MBLAC2: variants seen among roughly 807,000 people sequenced by gnomAD.
The protein encoded by MBLAC2 is acyl-coenzyme A thioesterase MBLAC2.
In MBLAC2, 24 loss-of-function variants were observed where a neutral mutation model predicts 23.3. The observed-to-expected ratio is 1.03, with a 90% confidence interval of 0.75 to 1.45. The LOEUF is 1.45. Among genes scored for constraint, MBLAC2 ranks in the 40% most tolerant of loss-of-function variants. The pLI is 0.00. For synonymous variants in MBLAC2, 162 were observed against 150.9 expected (o/e 1.07, Z -0.54); for missense variants, 358 against 370.0 (o/e 0.97, Z 0.27).
Position 90,473,871 on chromosome 5 carries a change from T to C in MBLAC2, c.422A>G (p.Gln141Arg), listed in dbSNP as rs750964461. 3.8e-5 allele frequency: 60 copies of C among 1,599,464 alleles called. No individual in the cohort carries two copies. The South Asian group carries it at 6.8e-4, about 18-fold the overall frequency. The stretch of plus-strand genomic sequence containing the variant: ...CAGGATGAGGGTGGGCTGCACCGCC[T>C]GTACCCGGAACTGTCTGGCCCTCCA... Reference protein sequence around the residue: ...PGWRARQFRVQAVQPTLILQD... With the variant: ...PGWRARQFRVRAVQPTLILQD... Residue 141 changes from glutamine to arginine, a missense_variant, in exon 1 of 2, where the codon CAG (glutamine) becomes CGG (arginine). Gln to Arg is a conservative substitution (Grantham distance 43). Transcript: ENST00000316610.
intron 1 of MBLAC2, among the ~76,000 whole-genome samples, chr5:90,468,449 A>G (rs909979943): frequency 6.6e-6 from 1 of 151,626 alleles, no homozygotes; most frequent in Non-Finnish European, 1.5e-5. Context: ...CATGTCTTTG[A>G]GCTCTGAGGT....
In MBLAC2 at chr5:90,474,405, G is replaced by T; in HGVS notation, c.-113C>A. 3 of 972,132 alleles carry T rather than the reference G, an allele frequency of 3.1e-6. No homozygotes were observed. The highest frequency in any genetic ancestry group is 4.7e-6 in the Non-Finnish European group (3 of 638,438). 60.2% of individuals were successfully genotyped at this position (972,132 alleles called of 1,614,324 possible). ...AAGCGGTCTGCCTGCAGCCAGGGAG[G>T]AGGCGTAGAGCGAGGCGGGGGCGTG... On this transcript the variant is annotated 5_prime_UTR_variant, in exon 1 of 2. Transcript: ENST00000316610.
chr5:90,467,451 C>T (rs1750467286), intron 1 of MBLAC2, among the ~76,000 whole-genome samples: 1 of 152,044 alleles, frequency 6.6e-6, no homozygotes, highest in Non-Finnish European at 1.5e-5. Context: ...TTTTTGTCTT[C>T]TTTAACTGCT....
intron 1 of MBLAC2, among the ~76,000 whole-genome samples, chr5:90,469,966 G>T (rs956029330): frequency 1.3e-5 from 2 of 152,192 alleles, no homozygotes; most frequent in East Asian, 3.8e-4. Context: ...CAATAGCCAA[G>T]ATGTGGAATT....
Position 90,474,397 on chromosome 5 carries a change from C to T in MBLAC2, c.-105G>A. On this transcript the variant is annotated 5_prime_UTR_variant, in exon 1 of 2. Transcript: ENST00000316610. ...GCTGTGTGAAGCGGTCTGCCTGCAG[C>T]CAGGGAGGAGGCGTAGAGCGAGGCG... The T allele has an allele frequency of 9.4e-7, 1 of 1,069,374 alleles. No individual in the cohort carries two copies. The highest frequency in any genetic ancestry group is 1.4e-6 in the Non-Finnish European group (1 of 719,260). 66.2% of individuals were successfully genotyped at this position (1,069,374 alleles called of 1,614,324 possible). A position where few individuals can be genotyped will look rare whatever the true frequency, so the allele number is the denominator to read the frequency against.
Position 90,460,841 on chromosome 5 carries a change from A to G in MBLAC2, c.*326T>C, listed in dbSNP as rs1297235044. The G allele has an allele frequency of 5.1e-6, 1 of 195,832 alleles. No individual in the cohort carries two copies. Among genetic ancestry groups the G allele is most frequent in the African/African-American group, 2.3e-5 (1 of 42,746 alleles). 12.1% of individuals were successfully genotyped at this position (195,832 alleles called of 1,614,324 possible). On this transcript the variant is annotated 3_prime_UTR_variant, in exon 2 of 2. Transcript: ENST00000316610. ...TTTTTTTCCCTAGGTCATCAAGGGA[A>G]TAAAACAAGAAAAACAGAGGCAAGG...
chr5:90,469,707 A>T (rs1443323063), intron 1 of MBLAC2, among the ~76,000 whole-genome samples: 1 of 152,178 alleles, frequency 6.6e-6, no homozygotes, highest in Non-Finnish European at 1.5e-5. Context: ...AAAAATGGCT[A>T]TTGTCAAAAA....
intron 1 of MBLAC2, among the ~76,000 whole-genome samples, chr5:90,464,886 A>G (rs1436910723): frequency 2.0e-5 from 3 of 152,194 alleles, no homozygotes; most frequent in Non-Finnish European, 4.4e-5. Context: ...AAGGTCCTGA[A>G]CTTGATAAAA....
intron 1 of MBLAC2, among the ~76,000 whole-genome samples, chr5:90,463,360 G>A (rs1750397880): frequency 6.6e-6 from 1 of 152,126 alleles, no homozygotes; most frequent in Non-Finnish European, 1.5e-5. Context: ...CAAAGTGCTG[G>A]GATTGCAGGC....
chr5:90,473,128 A>G (rs1264808078), intron 1 of MBLAC2: 1 of 152,814 alleles, frequency 6.5e-6, no homozygotes, highest in Non-Finnish European at 1.5e-5. Flanking sequence ...AGTCCACATA[A>G]TTTACCTCTA....
chr5:90,461,275 A>G lies in MBLAC2; in HGVS notation c.732T>C (p.Ala244=). ...TFGAERLFRL[A]SNYISKAGIC... is the part of the protein sequence containing the mutation. ...TCCCAGCTTTTGAAATATAGTTAGA[A>G]GCCAATCGAAAAAGCCTTTCAGCAC... Residue 244 remains alanine (A), a synonymous_variant, in exon 2 of 2, where the codon GCT becomes GCC. Transcript: ENST00000316610. 2 of 1,614,190 alleles carry G rather than the reference A, an allele frequency of 1.2e-6. No homozygotes were observed.
At chr5:90,463,432 A>G (rs1750399105) in intron 1 of MBLAC2, among the ~76,000 whole-genome samples, 1 of 152,254 alleles carries the variant, frequency 6.6e-6, no homozygotes, top group Admixed American at 6.5e-5. Context: ...CAAATTAGGA[A>G]GAACAAAAAT....
rs1353046954 is a variant in MBLAC2, at chr5:90,474,553, G to A, written c.-261C>T. ...GCTGCGCCACCAGCACGGGGGCGCA[G>A]GAGCTACCGCAGCCTCGGCAGCCGC... On this transcript the variant is annotated 5_prime_UTR_variant, in exon 1 of 2. Transcript: ENST00000316610. The A allele has an allele frequency of 1.6e-5, 8 of 508,916 alleles. No homozygotes were observed. Among genetic ancestry groups the A allele is most frequent in the Non-Finnish European group, 2.1e-5 (6 of 286,200 alleles). 31.5% of individuals were successfully genotyped at this position (508,916 alleles called of 1,614,324 possible).
rs746480062 is a variant in MBLAC2 at position 90,461,396 on chromosome 5, C to T, written c.611G>A (p.Arg204Lys). 4 of 1,614,142 alleles carry T rather than the reference C, an allele frequency of 2.5e-6. No individual in the cohort carries two copies. The South Asian group carries it at 4.4e-5, about 18-fold the overall frequency. The change falls in exon 2 of 2, where the codon AGG (arginine) becomes AAG (lysine). Residue 204 changes from arginine (R) to lysine (K), a missense_variant. By Grantham distance (26) the Arg-to-Lys change is conservative. Transcript: ENST00000316610. ...ACAAGTTCCAACATAGTCACTTATC[C>T]TGCTGTATGGGAGCCAGTCAATCAG... is the stretch of plus-strand genomic sequence containing the variant. ...GSLIDWLPYS[R>K]ISDYVGTCER...
rs901344730 is a variant in MBLAC2, at chr5:90,474,471, G to A, written c.-179C>T. On this transcript the variant is annotated 5_prime_UTR_variant, in exon 1 of 2. Coordinates refer to ENST00000316610, the MANE Select transcript of MBLAC2 (RefSeq NM_203406.2). ...AATAGGAGGAGGAAGGACGCAGACC[G>A]ACGCTGCCCGTAGCGTGCGCTCCCG... 3.2e-6 allele frequency: 2 copies of A among 615,468 alleles called. No individual in the cohort carries two copies. Among genetic ancestry groups the A allele is most frequent in the East Asian group, 2.8e-5 (1 of 35,466 alleles). 38.1% of individuals were successfully genotyped at this position (615,468 alleles called of 1,614,324 possible). A position where few individuals can be genotyped will look rare whatever the true frequency, so the allele number is the denominator to read the frequency against.
chr5:90,474,729 A>C lies in MBLAC2; in HGVS notation c.-437T>G. ...CACCCACTGGCTCTGCAGGGCGCGC[A>C]CTCCCAGCTGGCGCAGAAAGTGTGG... On this transcript the variant is annotated 5_prime_UTR_variant, in exon 1 of 2. Coordinates refer to ENST00000316610, the MANE Select transcript of MBLAC2 (RefSeq NM_203406.2). 3 of 186,576 alleles carry C rather than the reference A, an allele frequency of 1.6e-5. No homozygotes were observed. The highest frequency in any genetic ancestry group is 9.5e-5 in the South Asian group (1 of 10,502). 11.6% of individuals were successfully genotyped at this position (186,576 alleles called of 1,614,324 possible). A position where few individuals can be genotyped will look rare whatever the true frequency, so the allele number is the denominator to read the frequency against.
chr5:90,473,802 C>T (rs1267787406), intron 1 of MBLAC2, 37 bp downstream of exon 1: 1 of 1,534,338 alleles, frequency 6.5e-7, no homozygotes, highest in Non-Finnish European at 8.8e-7. Context: ...CCAATACCCT[C>T]CCTTAACGAG....
rs1214314960 is a variant in MBLAC2 at position 90,461,505 on chromosome 5, G to C, written c.502C>G (p.Pro168Ala). 1.9e-6 allele frequency: 3 copies of C among 1,613,826 alleles called. No individual in the cohort carries two copies. Among genetic ancestry groups the C allele is most frequent in the African/African-American group, 1.3e-5 (1 of 74,898 alleles). ...GDRQLTVMHM[P>A]GHSRGSICLH... ...CAAATACTGCCCCTGGAGTGACCTGGCATGTGCATAACAGTGAGCTGTCTG... is the reference window on the plus strand; with the variant it reads ...CAAATACTGCCCCTGGAGTGACCTGCCATGTGCATAACAGTGAGCTGTCTG... Residue 168 changes from proline (P) to alanine (A), a missense_variant, in exon 2 of 2, where the codon CCA (proline) becomes GCA (alanine). Physicochemically the swap from Pro to Ala is conservative, Grantham distance 27. Coordinates refer to ENST00000316610, the MANE Select transcript of MBLAC2 (RefSeq NM_203406.2).
chr5:90,462,038 A>G (rs546502955), intron 1 of MBLAC2, among the ~76,000 whole-genome samples: 109 of 152,216 alleles, frequency 7.2e-4, no homozygotes, highest in Admixed American at 2.0e-3. Flanking sequence ...ATGTTGCTCT[A>G]GGGAATTTTA....
Sources: gnomAD v4.1 joint callset for allele counts (sites outside exome capture counted in the v4.1 genomes callset) on GRCh38, gnomAD v4.1.1 for gene constraint, MANE v1.5 for transcripts, NCBI Gene and HGNC (gene_info 2026-07-23, HGNC 2026-07-21) for gene names.